BEND5: variants seen among roughly 807,000 people sequenced by gnomAD.
BEND5 encodes the protein BEN domain containing 5, also known as BEN domain-containing protein 5.
Under a neutral mutation model 43.9 loss-of-function variants are expected in BEND5, and 22 were observed. That is an observed-to-expected ratio of 0.50 (90% CI 0.36 to 0.72). The LOEUF (loss-of-function observed/expected upper bound fraction) is 0.72. BEND5 is among the 30% of genes least tolerant of loss of function. The pLI is 0.00. For missense variants in BEND5, 428 were observed against 550.6 expected (o/e 0.78, Z 2.23); for synonymous variants, 228 against 225.9 (o/e 1.01, Z -0.08).
intron 3 of BEND5, among the ~76,000 whole-genome samples, chr1:48,743,063 A>G (rs1407574848): frequency 6.6e-6 from 1 of 152,240 alleles, no homozygotes; most frequent in Non-Finnish European, 1.5e-5. Context: ...AACTTCCTGC[A>G]TAGGAAAGAG....
chr1:48,768,920 C>T (rs1644666886), intron 1 of BEND5, among the ~76,000 whole-genome samples: 1 of 152,042 alleles, frequency 6.6e-6, no homozygotes, highest in Non-Finnish European at 1.5e-5. Flanking sequence ...CCAAGGCAGA[C>T]AAAATTCTCA....
At chr1:48,774,499 A>G (rs950514365) in intron 1 of BEND5, among the ~76,000 whole-genome samples, 8 of 152,186 alleles carry the variant, frequency 5.3e-5, no homozygotes, top group South Asian at 2.1e-4. Flanking sequence ...TCCTCCCAAG[A>G]AAAAAACTGA....
intron 1 of BEND5, among the ~76,000 whole-genome samples, chr1:48,762,759 T>G (rs1302174915): frequency 6.6e-6 from 1 of 152,044 alleles, no homozygotes; most frequent in Non-Finnish European, 1.5e-5. Flanking sequence ...TATAAGCACA[T>G]AACTATTCCA....
At chr1:48,740,121 T>C (rs1649680511) in intron 4 of BEND5, among the ~76,000 whole-genome samples, 3 of 152,264 alleles carry the variant, frequency 2.0e-5, no homozygotes, top group Admixed American at 1.3e-4. Context: ...GAAAATATTT[T>C]CTGACATTCA....
At chr1:48,730,010 C>T (rs563449132) in intron 5 of BEND5, among the ~76,000 whole-genome samples, 15 of 152,250 alleles carry the variant, frequency 9.9e-5, no homozygotes, top group African/African-American at 3.4e-4. Flanking sequence ...CTTAAGTCCT[C>T]ACCCTTCACC....
chr1:48,766,959 C>T (rs1644561970), intron 1 of BEND5, among the ~76,000 whole-genome samples: 2 of 152,200 alleles, frequency 1.3e-5, no homozygotes, highest in Admixed American at 6.5e-5. Flanking sequence ...GGTGTGACTT[C>T]GTGAGAGACA....
At chr1:48,774,539 A>C (rs1644985605) in intron 1 of BEND5, among the ~76,000 whole-genome samples, 1 of 152,226 alleles carries the variant, frequency 6.6e-6, no homozygotes, top group East Asian at 1.9e-4. Context: ...TTTTTCAACT[A>C]ATTCAAACTG....
chr1:48,738,001 T>C (rs921627539), intron 4 of BEND5, among the ~76,000 whole-genome samples: 2 of 152,010 alleles, frequency 1.3e-5, no homozygotes, highest in African/African-American at 4.8e-5. Flanking sequence ...TCTGGAGAGG[T>C]CCCTGGTCTA....
chr1:48,758,342 T>C (rs1644058236), intron 3 of BEND5, among the ~76,000 whole-genome samples: 1 of 152,206 alleles, frequency 6.6e-6, no homozygotes, highest in Admixed American at 6.5e-5. Context: ...TATTTGCCCA[T>C]GCTCACCAGT....
intron 4 of BEND5, among the ~76,000 whole-genome samples, chr1:48,742,000 T>C (rs183682310): frequency 2.0e-5 from 3 of 152,350 alleles, no homozygotes; most frequent in Admixed American, 6.5e-5. Context: ...CCATTACTAA[T>C]AATCTTAAGT....
At chr1:48,765,764 A>C (rs944913964) in intron 1 of BEND5, among the ~76,000 whole-genome samples, 19 of 152,250 alleles carry the variant, frequency 1.2e-4, no homozygotes, top group Admixed American at 1.0e-3. Flanking sequence ...GACTCATGTT[A>C]CAACATGGAT....
chr1:48,774,134 C>A (rs1183281580), intron 1 of BEND5, among the ~76,000 whole-genome samples: 5 of 152,240 alleles, frequency 3.3e-5, no homozygotes, highest in Non-Finnish European at 7.3e-5. Flanking sequence ...GGAAACCATT[C>A]TATTTGTGTC....
At chr1:48,765,567 A>C (rs1020579802) in intron 1 of BEND5, among the ~76,000 whole-genome samples, 4 of 152,192 alleles carry the variant, frequency 2.6e-5, no homozygotes, top group African/African-American at 9.7e-5. Context: ...TCCTGGGTGT[A>C]TATGCAAGAT....
intron 5 of BEND5, among the ~76,000 whole-genome samples, chr1:48,734,302 C>T (rs1326268287): frequency 6.6e-6 from 1 of 152,186 alleles, no homozygotes; most frequent in Non-Finnish European, 1.5e-5. Context: ...GCTTTGACCT[C>T]AGGCTGGTTG....
Position 48,758,991 on chromosome 1 carries a change from G to A in BEND5, c.654C>T (p.Leu218=). ...CAGACACAAGTGCCCCGTACTCCTTGAGCTTCTTGGCCTGTTGTACCAGCT... is the reference window on the plus strand; with the variant it reads ...CAGACACAAGTGCCCCGTACTCCTTAAGCTTCTTGGCCTGTTGTACCAGCT... ...RRQLVQQAKK[L]KEYGALVSEM... The change falls in exon 3 of 6, where the codon CTC becomes CTT. Residue 218 remains leucine, a synonymous_variant. Transcript: ENST00000371833. 6.2e-7 allele frequency: 1 copy of A among 1,613,802 alleles called. No homozygotes were observed. The highest frequency in any genetic ancestry group is 1.7e-5 in the Admixed American group (1 of 59,972).
At chr1:48,743,874 A>T (rs1409180479) in intron 3 of BEND5, among the ~76,000 whole-genome samples, 2 of 152,242 alleles carry the variant, frequency 1.3e-5, no homozygotes, top group Non-Finnish European at 2.9e-5. Context: ...TTCATGATAC[A>T]GCTTCCCAGG....
At position 48,737,158 on chromosome 1, in the gene BEND5, C is replaced by T. The variant is rs1393635430; in HGVS notation, c.895-706G>A. 5.3e-5 allele frequency among the ~76,000 whole-genome samples: 8 copies of T among 152,238 alleles called. No individual in the cohort carries two copies. The South Asian group carries it at 1.7e-3, about 32-fold the overall frequency. On this transcript the variant is annotated intron_variant, in intron 4 of 5. Coordinates refer to ENST00000371833, the MANE Select transcript of BEND5 (RefSeq NM_024603.4). ...AATTAGCCAGGTGTGGTGGCACGCA[C>T]CTGTAGTCCCAGCTGCTTGGGAGGC...
intron 2 of BEND5, among the ~76,000 whole-genome samples, chr1:48,759,600 T>C (rs1328651988): frequency 6.6e-6 from 1 of 152,108 alleles, no homozygotes. Context: ...CCTTCCCAAC[T>C]CCCCAGGCCC....
chr1:48,761,642 A>C (rs140587792), intron 1 of BEND5, among the ~76,000 whole-genome samples, 172 bp from the exon 2 acceptor site: 22 of 152,354 alleles, frequency 1.4e-4, no homozygotes, highest in African/African-American at 5.3e-4. Flanking sequence ...TCCTAATAGC[A>C]GTGCAGATCT....
Sources: gnomAD v4.1 joint callset for allele counts (sites outside exome capture counted in the v4.1 genomes callset) on GRCh38, gnomAD v4.1.1 for gene constraint, MANE v1.5 for transcripts, NCBI Gene and HGNC (gene_info 2026-07-23, HGNC 2026-07-21) for gene names.